SPATA6: variants seen among roughly 807,000 people sequenced by gnomAD.
SPATA6 encodes the protein spermatogenesis associated 6, also known as spermatogenesis-associated protein 6.
Under a neutral mutation model 65.3 loss-of-function variants are expected in SPATA6, and 56 were observed. The observed-to-expected ratio is 0.86, with a 90% CI of 0.69 to 1.07. SPATA6 has a LOEUF of 1.07. SPATA6 is among the 50% of genes least tolerant of loss of function. SPATA6 has a pLI of 0.00. For synonymous variants in SPATA6, 199 were observed against 213.2 expected, an observed-to-expected ratio of 0.93 and a Z score of 0.58; for missense variants, 590 against 594.8, an observed-to-expected ratio of 0.99 and a Z score of 0.08.
intron 5 of SPATA6, among the ~76,000 whole-genome samples, chr1:48,404,228 C>T (rs1030181978): frequency 3.9e-5 from 6 of 151,948 alleles, no homozygotes; most frequent in Non-Finnish European, 7.4e-5. Context: ...CAGCTTTTTA[C>T]TTTTACAACT....
the SPATA6 span, among the ~76,000 whole-genome samples, chr1:48,265,061 A>G: frequency 6.6e-6 from 1 of 152,188 alleles, no homozygotes; most frequent in Middle Eastern, 3.2e-3. Context: ...TTTAAGATCA[A>G]GATGAAAGGC....
chr1:48,388,776 T>C (rs1649753016), intron 8 of SPATA6, among the ~76,000 whole-genome samples: 1 of 152,142 alleles, frequency 6.6e-6, no homozygotes, highest in Admixed American at 6.5e-5. Flanking sequence ...TGGCACGATT[T>C]TGGCTCACTG....
chr1:48,401,328 T>C (rs1468526265), intron 6 of SPATA6, among the ~76,000 whole-genome samples: 1 of 152,084 alleles, frequency 6.6e-6, no homozygotes, highest in African/African-American at 2.4e-5. Flanking sequence ...ATTAACCTCA[T>C]CTTTATTAAA....
chr1:48,392,394 CAA>C (rs1452585800), intron 8 of SPATA6, among the ~76,000 whole-genome samples: 1 of 152,034 alleles, frequency 6.6e-6, no homozygotes, highest in African/African-American at 2.4e-5. Flanking sequence ...ATAAAGCTTA[CAA>C]AAAGTCTCAT....
intron 9 of SPATA6, among the ~76,000 whole-genome samples, chr1:48,362,493 T>A (rs1207799140): frequency 6.6e-6 from 1 of 152,118 alleles, no homozygotes; most frequent in Non-Finnish European, 1.5e-5. Flanking sequence ...ACCACTGAAT[T>A]TCTATCACAA....
At chr1:48,325,169 T>C (rs2148712797) in intron 11 of SPATA6, 2 of 649,028 alleles carry the variant, frequency 3.1e-6, no homozygotes, top group Non-Finnish European at 5.6e-6. Flanking sequence ...TTCAGGGTTA[T>C]GGACTGCAAG....
the SPATA6 span, among the ~76,000 whole-genome samples, chr1:48,276,899 C>T: frequency 6.6e-6 from 1 of 151,926 alleles, no homozygotes; most frequent in Non-Finnish European, 1.5e-5. Flanking sequence ...AGCTTTGTGT[C>T]TCATTGATCT....
At chr1:48,307,838 A>T (rs1203215630) in intron 11 of SPATA6, among the ~76,000 whole-genome samples, 2 of 151,756 alleles carry the variant, frequency 1.3e-5, no homozygotes, top group African/African-American at 4.8e-5. Context: ...GTTATAAAAT[A>T]TTTTTATTTG....
chr1:48,412,324 C>CTTAG (rs1340162104), intron 4 of SPATA6, among the ~76,000 whole-genome samples: 1 of 152,056 alleles, frequency 6.6e-6, no homozygotes, highest in Non-Finnish European at 1.5e-5. Context: ...TCTTCCCTTC[C>CTTAG]CTAATAATAT....
intron 12 of SPATA6, among the ~76,000 whole-genome samples, chr1:48,304,278 G>C (rs1234633827): frequency 6.6e-6 from 1 of 152,124 alleles, no homozygotes; most frequent in East Asian, 1.9e-4. Context: ...AGATTATAAA[G>C]TGATCTCAAA....
chr1:48,445,390 G>A lies in SPATA6; in HGVS notation c.238+6162C>T, dbSNP rs577545612. 2.6e-4 allele frequency among the ~76,000 whole-genome samples: 39 copies of A among 152,212 alleles called. 1 individual carries two copies. The highest frequency in any genetic ancestry group is 1.5e-3 in the East Asian group (8 of 5,170). ...TTAAAAAGCTAACACATGGCTGGGC[G>A]TGGTGGCTCACGCCTGTAATCCCAG... On this transcript the variant is annotated intron_variant, in intron 3 of 12. Transcript: ENST00000371847.
chr1:48,411,707 G>T, intron 4 of SPATA6, 119 bp from the exon 5 acceptor site: 1 of 871,146 alleles, frequency 1.1e-6, no homozygotes. Flanking sequence ...TTTGGGTCAT[G>T]TTTATTTTCT....
At chr1:48,384,149 C>A (rs1440015183) in intron 9 of SPATA6, among the ~76,000 whole-genome samples, 3 of 149,922 alleles carry the variant, frequency 2.0e-5, no homozygotes, top group African/African-American at 7.5e-5. Flanking sequence ...GCCCGGCCAA[C>A]ACAGCGAAAC....
chr1:48,436,309 C>A (rs1337129887), intron 3 of SPATA6: 2 of 1,613,248 alleles, frequency 1.2e-6, no homozygotes, highest in Admixed American at 3.3e-5. Flanking sequence ...CCACTTTTTC[C>A]GGCATCCCAA....
At chr1:48,454,799 G>A (rs1467726904) in intron 1 of SPATA6, among the ~76,000 whole-genome samples, 1 of 152,148 alleles carries the variant, frequency 6.6e-6, no homozygotes, top group Non-Finnish European at 1.5e-5. Flanking sequence ...AGGTCACAAA[G>A]TAAATGAGTC....
At chr1:48,444,712 A>G (rs962473549) in intron 3 of SPATA6, among the ~76,000 whole-genome samples, 13 of 152,140 alleles carry the variant, frequency 8.5e-5, no homozygotes, top group Non-Finnish European at 1.5e-4. Flanking sequence ...TTGTTCTTTC[A>G]TTCTTCACAA....
the SPATA6 span, among the ~76,000 whole-genome samples, chr1:48,282,992 C>A: frequency 6.6e-5 from 10 of 151,904 alleles, no homozygotes; most frequent in Non-Finnish European, 1.2e-4. Context: ...ACCATGGAAT[C>A]CTATGCAGCC....
At chr1:48,373,109 C>T (rs1292526497) in intron 9 of SPATA6, among the ~76,000 whole-genome samples, 2 of 152,106 alleles carry the variant, frequency 1.3e-5, no homozygotes, top group African/African-American at 4.8e-5. Flanking sequence ...GAATTTCTCC[C>T]CAAAAAACAG....
intron 1 of SPATA6, among the ~76,000 whole-genome samples, 170 bp downstream of exon 1, chr1:48,471,788 A>T: frequency 6.6e-6 from 1 of 152,078 alleles, no homozygotes; most frequent in East Asian, 1.9e-4. Flanking sequence ...CCGGAGTGGG[A>T]GAGCGCTTCT....
Sources: gnomAD v4.1 joint callset for allele counts (sites outside exome capture counted in the v4.1 genomes callset) on GRCh38, gnomAD v4.1.1 for gene constraint, MANE v1.5 for transcripts, NCBI Gene and HGNC (gene_info 2026-07-23, HGNC 2026-07-21) for gene names.